HCN1: variants seen among roughly 807,000 people sequenced by gnomAD.
HCN1 encodes the protein hyperpolarization activated cyclic nucleotide gated potassium channel 1, also known as potassium/sodium hyperpolarization-activated cyclic nucleotide-gated channel 1.
In HCN1, 13 loss-of-function variants were observed where a neutral mutation model predicts 78.9. The observed-to-expected ratio is 0.16, with a 90% CI of 0.11 to 0.26. The LOEUF (loss-of-function observed/expected upper bound fraction) is 0.26, where lower values mean the gene tolerates loss of function less well. HCN1 is among the 10% of genes least tolerant of loss of function. The probability of loss-of-function intolerance (pLI) is 1.00; values close to 1 mark genes in which losing one functional copy is unlikely to be tolerated. For missense variants in HCN1, 810 were observed against 1,154.3 expected (o/e 0.70, Z 4.32); for synonymous variants, 552 against 455.5 (o/e 1.21, Z -2.70).
chr5:45,609,204 G>C (rs1293003118), intron 2 of HCN1, among the ~76,000 whole-genome samples: 1 of 151,976 alleles, frequency 6.6e-6, no homozygotes, highest in Non-Finnish European at 1.5e-5. Context: ...CTTGTAACTT[G>C]CAATTCTACT....
chr5:45,275,832 T>C (rs926887169), intron 6 of HCN1, among the ~76,000 whole-genome samples: 2 of 152,100 alleles, frequency 1.3e-5, no homozygotes, highest in African/African-American at 4.8e-5. Context: ...AAAACCACAA[T>C]TTTTCTGCTT....
intron 2 of HCN1, among the ~76,000 whole-genome samples, chr5:45,578,405 T>C (rs1743990602): frequency 1.3e-5 from 2 of 151,984 alleles, no homozygotes; most frequent in African/African-American, 2.4e-5. Flanking sequence ...GCAGCACATA[T>C]TGTTTATTTT....
At chr5:45,574,099 A>G (rs1447867946) in intron 2 of HCN1, among the ~76,000 whole-genome samples, 1 of 152,122 alleles carries the variant, frequency 6.6e-6, no homozygotes, top group Non-Finnish European at 1.5e-5. Context: ...TATCCTATCC[A>G]CAATACCATG....
At chr5:45,498,749 A>G (rs1742114033) in intron 2 of HCN1, among the ~76,000 whole-genome samples, 1 of 152,154 alleles carries the variant, frequency 6.6e-6, no homozygotes, top group African/African-American at 2.4e-5. Flanking sequence ...GGTGATGTAC[A>G]GATGGGTTTT....
intron 1 of HCN1, among the ~76,000 whole-genome samples, chr5:45,654,088 G>A (rs1214457493): frequency 2.6e-5 from 4 of 151,946 alleles, no homozygotes; most frequent in Non-Finnish European, 4.4e-5. Context: ...TATCTTTCAA[G>A]GGGACTTATA....
intron 4 of HCN1, among the ~76,000 whole-genome samples, chr5:45,392,652 C>G (rs1214126389): frequency 1.3e-5 from 2 of 151,958 alleles, no homozygotes; most frequent in African/African-American, 2.4e-5. Flanking sequence ...GCCTGGCCAA[C>G]ATGGTGAAAC....
At chr5:45,435,268 T>C (rs552875231) in intron 3 of HCN1, among the ~76,000 whole-genome samples, 1 of 152,228 alleles carries the variant, frequency 6.6e-6, no homozygotes, top group African/African-American at 2.4e-5. Flanking sequence ...GAAGCTTGCA[T>C]GTTATCATGG....
chr5:45,413,644 AAGG>A (rs1222295812), intron 3 of HCN1, among the ~76,000 whole-genome samples: 1 of 152,096 alleles, frequency 6.6e-6, no homozygotes, highest in African/African-American at 2.4e-5. Context: ...AGAAATGAAA[AAGG>A]AGAATATTCA....
At chr5:45,501,270 G>A (rs1262277722) in intron 2 of HCN1, among the ~76,000 whole-genome samples, 1 of 152,044 alleles carries the variant, frequency 6.6e-6, no homozygotes, top group African/African-American at 2.4e-5. Flanking sequence ...CAGGGCTTAG[G>A]ACAGAGGCAA....
At chr5:45,389,478 C>G (rs1326429349) in intron 4 of HCN1, among the ~76,000 whole-genome samples, 1 of 152,012 alleles carries the variant, frequency 6.6e-6, no homozygotes, top group Admixed American at 6.6e-5. Context: ...GTGAAATATC[C>G]TCCTAACCCC....
intron 2 of HCN1, among the ~76,000 whole-genome samples, chr5:45,608,705 T>A (rs1220759859): frequency 6.6e-6 from 1 of 151,936 alleles, no homozygotes; most frequent in African/African-American, 2.4e-5. Flanking sequence ...TTCTTCAAAA[T>A]CTTTATGATT....
At chr5:45,407,892 G>A (rs1382963300) in intron 3 of HCN1, among the ~76,000 whole-genome samples, 1 of 152,102 alleles carries the variant, frequency 6.6e-6, no homozygotes, top group African/African-American at 2.4e-5. Context: ...ACAAGGTGTG[G>A]TGGTAGAAGA....
At chr5:45,481,727 A>T (rs1216206034) in intron 2 of HCN1, among the ~76,000 whole-genome samples, 1 of 152,204 alleles carries the variant, frequency 6.6e-6, no homozygotes, top group East Asian at 1.9e-4. Context: ...TCCATACCAC[A>T]TGCACCTATT....
At chr5:45,665,228 C>T (rs953691349) in intron 1 of HCN1, among the ~76,000 whole-genome samples, 1 of 146,674 alleles carries the variant, frequency 6.8e-6, no homozygotes, top group African/African-American at 2.6e-5. Context: ...TGTTCTCACT[C>T]ATAGGTGGGA....
chr5:45,468,586 A>G (rs1004029451), intron 2 of HCN1, among the ~76,000 whole-genome samples: 40 of 152,114 alleles, frequency 2.6e-4, no homozygotes, highest in African/African-American at 9.4e-4. Flanking sequence ...CTATGCATAC[A>G]TATTTTTTGC....
chr5:45,647,890 G>A (rs188490008), intron 1 of HCN1, among the ~76,000 whole-genome samples: 27 of 152,266 alleles, frequency 1.8e-4, no homozygotes, highest in Admixed American at 1.6e-3. Context: ...ACACCTAAAT[G>A]TATGTTGTAT....
At chr5:45,274,268 G>T (rs893677414) in intron 6 of HCN1, among the ~76,000 whole-genome samples, 1 of 151,940 alleles carries the variant, frequency 6.6e-6, no homozygotes, top group Non-Finnish European at 1.5e-5. Context: ...TACTACTCAT[G>T]CCCTGTTATT....
chr5:45,373,760 T>A (rs1448057493), intron 4 of HCN1, among the ~76,000 whole-genome samples: 1 of 123,224 alleles, frequency 8.1e-6, no homozygotes, highest in Non-Finnish European at 1.6e-5. Flanking sequence ...ATACGGTATA[T>A]ACGTCATCTA....
chr5:45,373,139 T>G (rs187229879), intron 4 of HCN1, among the ~76,000 whole-genome samples: 1 of 125,082 alleles, frequency 8.0e-6, no homozygotes, highest in Admixed American at 9.3e-5. Flanking sequence ...AAATATATAG[T>G]ATATAATATA....
Sources: gnomAD v4.1 joint callset for allele counts (sites outside exome capture counted in the v4.1 genomes callset) on GRCh38, gnomAD v4.1.1 for gene constraint, MANE v1.5 for transcripts, NCBI Gene and HGNC (gene_info 2026-07-23, HGNC 2026-07-21) for gene names.